Variants in ASCC3 observed in about 807,000 individuals in gnomAD.
The protein encoded by ASCC3 is activating signal cointegrator 1 complex subunit 3.
ASCC3 carries 158 observed loss-of-function variants against 256.3 expected under a neutral mutation model. The ratio of observed to expected loss-of-function variants is 0.62; its 90% CI spans 0.54 to 0.70. The LOEUF is 0.70. Ranked by LOEUF, ASCC3 falls within the 30% of genes least tolerant of loss-of-function variation. The pLI is 0.00. For synonymous variants in ASCC3, 948 were observed against 883.4 expected (o/e 1.07, Z -1.30); for missense variants, 2,259 against 2,626.0 (o/e 0.86, Z 3.05).
intron 10 of ASCC3, among the ~76,000 whole-genome samples, chr6:100,736,265 G>A (rs1171997878): frequency 1.3e-5 from 2 of 152,128 alleles, no homozygotes; most frequent in East Asian, 1.9e-4. Flanking sequence ...CTTTTCCTGA[G>A]AGGCCGAGGC....
In ASCC3 at chr6:100,651,847, T is replaced by C. The variant is rs528661107; in HGVS notation, c.2989-201A>G. Among the ~76,000 whole-genome samples, 27 of 151,940 alleles carry C rather than the reference T, an allele frequency of 1.8e-4. No individual in the cohort carries two copies. The South Asian group carries it at 5.2e-3, about 29-fold the overall frequency. On this transcript the variant is annotated intron_variant, in intron 18 of 41. Coordinates refer to ENST00000369162, the MANE Select transcript of ASCC3 (RefSeq NM_006828.4). ...AAGACCAAAGAAAATTCCTAGAACA[T>C]AATTAGCTAAGGAAGATCTTTAGCA...
chr6:100,571,373 A>G (rs1446435379), intron 36 of ASCC3, among the ~76,000 whole-genome samples: 1 of 152,102 alleles, frequency 6.6e-6, no homozygotes, highest in Non-Finnish European at 1.5e-5. Context: ...TCCTCTAATT[A>G]TCTTCTGATT....
At chr6:100,670,554 T>A (rs1320982456) in intron 14 of ASCC3, among the ~76,000 whole-genome samples, 2 of 149,692 alleles carry the variant, frequency 1.3e-5, no homozygotes. Context: ...TCAGAACAGA[T>A]ACAACCATCT....
At chr6:100,834,052 T>C (rs1335849407) in intron 4 of ASCC3, among the ~76,000 whole-genome samples, 1 of 152,100 alleles carries the variant, frequency 6.6e-6, no homozygotes, top group African/African-American at 2.4e-5. Context: ...GGTGACAGTG[T>C]GAGTGAGTGT....
chr6:100,557,382 C>T (rs1769650070), intron 36 of ASCC3, among the ~76,000 whole-genome samples: 1 of 151,934 alleles, frequency 6.6e-6, no homozygotes. Context: ...TGTGATTTCT[C>T]CCCTCAATTT....
intron 34 of ASCC3, 122 bp downstream of exon 34, chr6:100,601,688 A>G: frequency 8.9e-7 from 1 of 1,121,722 alleles, no homozygotes; most frequent in Non-Finnish European, 1.3e-6. Context: ...AGACAAATTC[A>G]TATACCTAGA....
At chr6:100,530,338 T>C (rs1774805337) in intron 37 of ASCC3, 2 of 1,419,714 alleles carry the variant, frequency 1.4e-6, no homozygotes, top group Admixed American at 3.4e-5. Flanking sequence ...TCACACAATC[T>C]AGTGAAAAAA....
intron 10 of ASCC3, among the ~76,000 whole-genome samples, chr6:100,727,026 C>T (rs962112280): frequency 2.0e-5 from 3 of 151,982 alleles, no homozygotes; most frequent in African/African-American, 7.2e-5. Flanking sequence ...ACAGCAAAAC[C>T]AAAGGACCTA....
intron 16 of ASCC3, among the ~76,000 whole-genome samples, chr6:100,657,991 T>C (rs1156732647): frequency 1.3e-5 from 2 of 151,488 alleles, no homozygotes; most frequent in African/African-American, 4.8e-5. Context: ...TATTCCCTCA[T>C]CTCAAAATCA....
At chr6:100,581,724 G>A (rs1394782314) in intron 36 of ASCC3, among the ~76,000 whole-genome samples, 6 of 152,028 alleles carry the variant, frequency 3.9e-5, no homozygotes, top group South Asian at 2.1e-4. Context: ...TAGGTCTAAC[G>A]TTTAAGTCTT....
rs1330901552 is a variant in ASCC3 at position 100,858,902 on chromosome 6, AT to A, written c.241+5161del. The A allele has an allele frequency of 5.5e-6, 3 of 540,772 alleles. No homozygotes were observed. The East Asian group carries it at 9.5e-5, about 17-fold the overall frequency. 33.5% of individuals were successfully genotyped at this position (540,772 alleles called of 1,614,324 possible). The stretch of plus-strand genomic sequence containing the variant: ...GAGTCAATCAAGGATCATACATTAC[AT>A]TTTGATTATTATATGCCTTTAACCT... On this transcript the variant is annotated intron_variant, in intron 3 of 41. Transcript: ENST00000369162.
chr6:100,729,881 CT>C (rs1342029962), intron 10 of ASCC3, among the ~76,000 whole-genome samples: 1 of 152,032 alleles, frequency 6.6e-6, no homozygotes, highest in Non-Finnish European at 1.5e-5. Flanking sequence ...ACATATGTGA[CT>C]TTTTTAAAAC....
At chr6:100,799,287 C>T in intron 7 of ASCC3, 144 bp downstream of exon 7, 1 of 871,366 alleles carries the variant, frequency 1.1e-6, no homozygotes, top group Non-Finnish European at 1.8e-6. Context: ...ACATACACCA[C>T]ATTATGTCAT....
intron 39 of ASCC3, among the ~76,000 whole-genome samples, chr6:100,513,579 A>ATTCT (rs1418808302): frequency 6.6e-6 from 1 of 152,154 alleles, no homozygotes. Context: ...TCAGAAAAAA[A>ATTCT]TTCTTTATAT....
chr6:100,661,885 T>C lies in ASCC3; in HGVS notation c.2624A>G (p.His875Arg), dbSNP rs989177429. 15 of 1,613,320 alleles carry C rather than the reference T, an allele frequency of 9.3e-6. No individual in the cohort carries two copies. The highest frequency in any genetic ancestry group is 1.3e-5 in the Non-Finnish European group (15 of 1,179,500). The change falls in exon 16 of 42, where the codon CAT (histidine) becomes CGT (arginine). Residue 875 changes from histidine to arginine, a missense_variant. His to Arg is a conservative substitution (Grantham distance 29, BLOSUM62 0). Transcript: ENST00000369162. ...IIITTHDKLS[H>R]YLTLLTQRNP... is the part of the protein sequence containing the mutation. ...TCGTTGAGTGAGCAAAGTGAGGTAA[T>C]GGCTGAGTTTATCATGCGTTGTTAT...
intron 25 of ASCC3, among the ~76,000 whole-genome samples, chr6:100,632,108 C>A (rs1297213155): frequency 7.5e-6 from 1 of 133,914 alleles, no homozygotes; most frequent in Non-Finnish European, 1.6e-5. Context: ...AATTAATAAA[C>A]AAATTCAATA....
At chr6:100,586,452 G>A (rs892121265) in intron 36 of ASCC3, among the ~76,000 whole-genome samples, 4 of 152,132 alleles carry the variant, frequency 2.6e-5, no homozygotes, top group Non-Finnish European at 5.9e-5. Flanking sequence ...CAGTATTCGG[G>A]TGGGAGCGAC....
At chr6:100,763,467 C>T (rs1264140212) in intron 10 of ASCC3, among the ~76,000 whole-genome samples, 2 of 152,158 alleles carry the variant, frequency 1.3e-5, no homozygotes, top group East Asian at 1.9e-4. Context: ...TGTAGGAGAT[C>T]GGTCAGGGTG....
At chr6:100,561,132 A>G (rs1769924864) in intron 36 of ASCC3, among the ~76,000 whole-genome samples, 1 of 152,022 alleles carries the variant, frequency 6.6e-6, no homozygotes, top group South Asian at 2.1e-4. Context: ...CAAAAAGAAA[A>G]AAAAAAAAAA....
Sources: gnomAD v4.1 joint callset for allele counts (sites outside exome capture counted in the v4.1 genomes callset) on GRCh38, gnomAD v4.1.1 for gene constraint, MANE v1.5 for transcripts, NCBI Gene and HGNC (gene_info 2026-07-23, HGNC 2026-07-21) for gene names.